Variants in MRTFA observed in about 807,000 individuals in gnomAD.
MRTFA encodes the protein myocardin-related transcription factor A.
Under a neutral mutation model 83.5 loss-of-function variants are expected in MRTFA, and 20 were observed. The observed-to-expected ratio is 0.24, with a 90% CI of 0.17 to 0.35. The LOEUF is 0.35. Among genes scored for constraint, MRTFA ranks in the 10% least tolerant of loss-of-function variants. The pLI is 1.00. For synonymous variants in MRTFA, 659 were observed against 541.2 expected (o/e 1.22, Z -3.02); for missense variants, 1,200 against 1,224.7 (o/e 0.98, Z 0.30).
In MRTFA at chr22:40,432,686, A is replaced by G. The variant is rs559428110; in HGVS notation, c.364-1206T>C. Among the ~76,000 whole-genome samples, 3 of 92,430 alleles carry G rather than the reference A, an allele frequency of 3.2e-5. No individual in the cohort carries two copies. The East Asian group carries it at 6.8e-4, about 21-fold the overall frequency. The allele number at this position is 92,430 out of a possible 152,430, so 60.6% of individuals were successfully genotyped here. On this transcript the variant is annotated intron_variant, in intron 5 of 14. Transcript: ENST00000355630. Reference sequence around the variant, plus strand: ...AAAGACTGGAAAAAAATGAAGAAAAAGAAAAAAAAAAAAAGACTTGTCCTC... The same window carrying G: ...AAAGACTGGAAAAAAATGAAGAAAAGGAAAAAAAAAAAAAGACTTGTCCTC...
chr22:40,599,854 A>T lies in MRTFA; in HGVS notation c.-83-5119T>A, dbSNP rs1394639305. 2.6e-5 allele frequency among the ~76,000 whole-genome samples: 4 copies of T among 151,664 alleles called. No individual in the cohort carries two copies. In the East Asian group the frequency reaches 7.7e-4, roughly 29 times the overall value. On this transcript the variant is annotated intron_variant, in intron 1 of 14. Transcript: ENST00000355630. ...GTTGAGGCCGCAGCGAGCTATGATT[A>T]CACCACTGCACTCCAGCCTGAGCGA...
chr22:40,575,151 T>C (rs1387603894), intron 2 of MRTFA, among the ~76,000 whole-genome samples: 1 of 152,206 alleles, frequency 6.6e-6, no homozygotes, highest in African/African-American at 2.4e-5. Context: ...ATGAGGATCG[T>C]ACCTACTAAC....
intron 3 of MRTFA, among the ~76,000 whole-genome samples, chr22:40,495,905 A>T (rs2054346130): frequency 6.6e-6 from 1 of 151,430 alleles, no homozygotes; most frequent in Non-Finnish European, 1.5e-5. Context: ...GTCTCTACTA[A>T]AAATATAAAA....
chr22:40,548,300 C>T (rs970020248), intron 3 of MRTFA, among the ~76,000 whole-genome samples: 1 of 133,010 alleles, frequency 7.5e-6, no homozygotes, highest in Non-Finnish European at 1.5e-5. Context: ...CAGAGCTTGC[C>T]GTGAGCCGAG....
chr22:40,508,602 C>A (rs2054618736), intron 3 of MRTFA, among the ~76,000 whole-genome samples: 1 of 146,452 alleles, frequency 6.8e-6, no homozygotes, highest in African/African-American at 2.5e-5. Flanking sequence ...ATACTGAAAT[C>A]TTTGGCCTCA....
chr22:40,462,126 CT>C (rs1194901986), intron 4 of MRTFA, among the ~76,000 whole-genome samples: 2 of 152,168 alleles, frequency 1.3e-5, no homozygotes, highest in Non-Finnish European at 2.9e-5. Context: ...CATCTTATTC[CT>C]ATTACTTATT....
At chr22:40,419,535 C>G in intron 11 of MRTFA, 151 bp from the exon 12 acceptor site, 1 of 678,334 alleles carries the variant, frequency 1.5e-6, no homozygotes. Context: ...TGCCCCCCAC[C>G]ACCTGAGCCA....
chr22:40,542,200 C>T (rs2055302065), intron 3 of MRTFA, among the ~76,000 whole-genome samples: 1 of 152,122 alleles, frequency 6.6e-6, no homozygotes, highest in Admixed American at 6.6e-5. Context: ...CCTCTGCCTC[C>T]TCCTCCCACC....
intron 4 of MRTFA, among the ~76,000 whole-genome samples, chr22:40,450,899 C>T (rs1011520428): frequency 1.3e-5 from 2 of 152,166 alleles, no homozygotes; most frequent in East Asian, 1.9e-4. Context: ...CCAGAAAACC[C>T]GGATTGGGTC....
At chr22:40,446,015 T>C (rs961758081) in intron 4 of MRTFA, among the ~76,000 whole-genome samples, 2 of 152,232 alleles carry the variant, frequency 1.3e-5, no homozygotes, top group African/African-American at 4.8e-5. Context: ...TGATTAGATT[T>C]AGGTTAAACA....
At chr22:40,565,031 T>C (rs138435358) in intron 2 of MRTFA, among the ~76,000 whole-genome samples, 79 of 152,236 alleles carry the variant, frequency 5.2e-4, no homozygotes, top group African/African-American at 1.7e-3. Flanking sequence ...AGCTTATGTA[T>C]AGGGACGTGA....
intron 1 of MRTFA, among the ~76,000 whole-genome samples, chr22:40,598,853 TG>T (rs1193901304): frequency 2.7e-5 from 4 of 148,384 alleles, no homozygotes; most frequent in Non-Finnish European, 5.9e-5. Flanking sequence ...TAGCCAGGTG[TG>T]GCAGTGCACG....
At chr22:40,589,057 C>T (rs1301051679) in intron 2 of MRTFA, among the ~76,000 whole-genome samples, 1 of 151,934 alleles carries the variant, frequency 6.6e-6, no homozygotes, top group Non-Finnish European at 1.5e-5. Context: ...TACGCAGTGC[C>T]GAAATCTTAT....
chr22:40,573,482 T>C lies in MRTFA; in HGVS notation c.-21-21115A>G, dbSNP rs185601491. On this transcript the variant is annotated intron_variant, in intron 2 of 14. Coordinates refer to ENST00000355630, the MANE Select transcript of MRTFA (RefSeq NM_020831.6). ...GTTGGCCAGGCTGGTCTCAAACTCC[T>C]GACCTTGAGTGATCTGCCTGCCTTA... 3.0e-4 allele frequency among the ~76,000 whole-genome samples: 46 copies of C among 152,296 alleles called. No individual in the cohort carries two copies. In the South Asian group the frequency reaches 5.0e-3, roughly 16 times the overall value.
chr22:40,590,003 C>A (rs2056095794), intron 2 of MRTFA, among the ~76,000 whole-genome samples: 1 of 142,066 alleles, frequency 7.0e-6, no homozygotes, highest in Admixed American at 7.4e-5. Flanking sequence ...GCCTGGGAGA[C>A]AGAGCGAGAC....
At chr22:40,457,289 C>G (rs1041765648) in intron 4 of MRTFA, among the ~76,000 whole-genome samples, 4 of 151,918 alleles carry the variant, frequency 2.6e-5, no homozygotes, top group Admixed American at 6.6e-5. Flanking sequence ...CGCTTGAACC[C>G]AGGAGGCGGA....
At chr22:40,413,595 C>T (rs889284097) in intron 14 of MRTFA, among the ~76,000 whole-genome samples, 1 of 152,052 alleles carries the variant, frequency 6.6e-6, no homozygotes, top group Admixed American at 6.5e-5. Flanking sequence ...GTGCCCGCCA[C>T]CATGCCCGGA....
chr22:40,418,813 C>T lies in MRTFA; in HGVS notation c.1925G>A (p.Arg642Gln), dbSNP rs770900337. 93 of 1,608,766 alleles carry T rather than the reference C, an allele frequency of 5.8e-5. 1 individual carries two copies. Among genetic ancestry groups the T allele is most frequent in the Middle Eastern group, 3.3e-4 (2 of 6,052 alleles). ...CCGCTCCACCAGCTGCTGCTTCTGC[C>T]GGAGCATGCGCGTCAGCGCCTCGAT... is the stretch of plus-strand genomic sequence containing the variant. The change falls in exon 12 of 15, where the codon CGG (arginine) becomes CAG (glutamine). Residue 642 changes from arginine to glutamine, a missense_variant. By Grantham distance (43) the Arg-to-Gln change is conservative (BLOSUM62 1). This residue lies in a region of MRTFA where 1,107 missense variants were observed against 1,041.8 expected (regional missense o/e 1.06). Coordinates refer to ENST00000355630, the MANE Select transcript of MRTFA (RefSeq NM_020831.6).
rs139746346 is a variant in MRTFA at position 40,418,322 on chromosome 22, G to A, written c.2364+52C>T. On this transcript the variant is annotated intron_variant, in intron 12 of 14. Coordinates refer to ENST00000355630, the MANE Select transcript of MRTFA (RefSeq NM_020831.6). ...TGGCCCAAGAGGGCTGTAGCGAGAC[G>A]CTCTTCCCACCCTCCTCTGGGCCCT... is the stretch of plus-strand genomic sequence containing the variant. 2.5e-5 allele frequency: 39 copies of A among 1,583,746 alleles called. No homozygotes were observed. In the Admixed American group the frequency reaches 2.7e-4, roughly 11 times the overall value.
Sources: allele counts gnomAD v4.1 joint callset (sites outside exome capture counted in the v4.1 genomes callset), GRCh38; gene constraint gnomAD v4.1.1; regional missense constraint gnomAD v4.1.1; transcripts MANE v1.5; gene names NCBI Gene and HGNC (gene_info 2026-07-23, HGNC 2026-07-21).